GRM3: variants seen among roughly 807,000 people sequenced by gnomAD.
The protein encoded by GRM3 is metabotropic glutamate receptor 3.
GRM3 carries 26 observed loss-of-function variants against 70.5 expected under a neutral mutation model. The observed-to-expected ratio is 0.37, with a 90% CI of 0.27 to 0.51. GRM3 has a LOEUF of 0.51. Among genes scored for constraint, GRM3 ranks in the 20% least tolerant of loss-of-function variants. The pLI, the probability that GRM3 is intolerant of heterozygous loss-of-function variation, is 0.93. For synonymous variants in GRM3, 443 were observed against 434.9 expected, an observed-to-expected ratio of 1.02 and a Z score of -0.23; for missense variants, 859 against 1,123.8, an observed-to-expected ratio of 0.76 and a Z score of 3.37.
At chr7:86,733,581 G>A (rs1003038918) in intron 1 of GRM3, among the ~76,000 whole-genome samples, 1 of 152,190 alleles carries the variant, frequency 6.6e-6, no homozygotes. Context: ...GTTTATTTGA[G>A]TCTTCAAGGA....
intron 1 of GRM3, among the ~76,000 whole-genome samples, chr7:86,700,873 G>A (rs1052137250): frequency 6.6e-6 from 1 of 151,864 alleles, no homozygotes; most frequent in Non-Finnish European, 1.5e-5. Context: ...TTCAACTTAC[G>A]TTAATAGCAT....
intron 3 of GRM3, among the ~76,000 whole-genome samples, chr7:86,818,424 C>T (rs1216605395): frequency 6.6e-6 from 1 of 152,018 alleles, no homozygotes; most frequent in Non-Finnish European, 1.5e-5. Context: ...GTGCTGGAGT[C>T]ATGTAGACCT....
intron 1 of GRM3, among the ~76,000 whole-genome samples, chr7:86,712,960 A>G (rs1180284248): frequency 1.3e-5 from 2 of 152,100 alleles, no homozygotes; most frequent in East Asian, 3.9e-4. Flanking sequence ...TATCTTTGAT[A>G]TATTGATTTC....
chr7:86,768,093 A>C (rs1321739110), intron 2 of GRM3, among the ~76,000 whole-genome samples: 1 of 149,898 alleles, frequency 6.7e-6, no homozygotes, highest in Non-Finnish European at 1.5e-5. Context: ...TTGGCAACAG[A>C]AAGACCTGAG....
intron 1 of GRM3, among the ~76,000 whole-genome samples, chr7:86,763,017 G>T (rs576555652): frequency 6.6e-6 from 1 of 152,090 alleles, no homozygotes; most frequent in East Asian, 1.9e-4. Flanking sequence ...AAATCTGTGG[G>T]CAAGGGAAAC....
chr7:86,757,529 C>T lies in GRM3; in HGVS notation c.-140-7477C>T, dbSNP rs576606528. Among the ~76,000 whole-genome samples, 58 of 152,300 alleles carry T rather than the reference C, an allele frequency of 3.8e-4. 1 individual carries two copies. The highest frequency in any genetic ancestry group is 3.4e-3 in the Middle Eastern group (1 of 294). ...TCTCTGCACTCCGGCTGGCTTGGAA[C>T]TCTAATACCTCTCGGATATGTCTGC... On this transcript the variant is annotated intron_variant, in intron 1 of 5. Coordinates refer to ENST00000361669, the MANE Select transcript of GRM3 (RefSeq NM_000840.3).
At chr7:86,798,721 G>C (rs113786896) in intron 3 of GRM3, among the ~76,000 whole-genome samples, 8,127 of 152,178 alleles carry the variant, frequency 0.053, 692 homozygotes, top group African/African-American at 0.18. Flanking sequence ...ATGAGATTTG[G>C]GAGGGGCCAG....
At chr7:86,825,369 G>C (rs1207412678) in intron 3 of GRM3, among the ~76,000 whole-genome samples, 1 of 152,188 alleles carries the variant, frequency 6.6e-6, no homozygotes, top group Admixed American at 6.5e-5. Flanking sequence ...ATTTCTTAAC[G>C]ACGTGTGGAT....
At chr7:86,754,930 C>T (rs1268599994) in intron 1 of GRM3, among the ~76,000 whole-genome samples, 1 of 152,144 alleles carries the variant, frequency 6.6e-6, no homozygotes, top group Non-Finnish European at 1.5e-5. Context: ...AGCTCCCATA[C>T]TTACAAGAGC....
At chr7:86,762,571 T>C (rs551739355) in intron 1 of GRM3, among the ~76,000 whole-genome samples, 1 of 152,258 alleles carries the variant, frequency 6.6e-6, no homozygotes, top group South Asian at 2.1e-4. Context: ...CTAAATGCTG[T>C]GCCATTTCAT....
At chr7:86,851,310 C>G (rs1404010769) in intron 5 of GRM3, among the ~76,000 whole-genome samples, 1 of 152,154 alleles carries the variant, frequency 6.6e-6, no homozygotes, top group Non-Finnish European at 1.5e-5. Context: ...CCCTAATTCT[C>G]TCTGCTACTG....
At position 86,678,674 on chromosome 7, in the gene GRM3, T is replaced by C. The variant is rs116157409; in HGVS notation, c.-141+33802T>C. On this transcript the variant is annotated intron_variant, in intron 1 of 5. Coordinates refer to ENST00000361669, the MANE Select transcript of GRM3 (RefSeq NM_000840.3). ...AGGAAAGGTGAGAAAAATCTGCACA[T>C]GGACAAGTACGTATCCAGTTTTCCA... 3.5e-3 allele frequency among the ~76,000 whole-genome samples: 538 copies of C among 152,190 alleles called. 4 individuals are homozygous for C. Among genetic ancestry groups the C allele is most frequent in the African/African-American group, 0.012 (509 of 41,544 alleles).
intron 3 of GRM3, among the ~76,000 whole-genome samples, chr7:86,838,366 G>A (rs973362739): frequency 6.6e-6 from 1 of 152,084 alleles, no homozygotes; most frequent in East Asian, 1.9e-4. Flanking sequence ...TGCAAAAAAT[G>A]TTCTTTATTT....
At chr7:86,651,393 TA>T (rs916480617) in intron 1 of GRM3, among the ~76,000 whole-genome samples, 16 of 152,196 alleles carry the variant, frequency 1.1e-4, no homozygotes, top group African/African-American at 3.6e-4. Flanking sequence ...AATATTTGCT[TA>T]ACAGTTTCAA....
At chr7:86,684,725 C>A (rs1562824865) in intron 1 of GRM3, among the ~76,000 whole-genome samples, 1 of 152,246 alleles carries the variant, frequency 6.6e-6, no homozygotes, top group Non-Finnish European at 1.5e-5. Flanking sequence ...ATCACAGAAT[C>A]AAGGAATAAT....
rs1793403232 is a variant in GRM3, at chr7:86,644,468, GAGA to G, written c.-542_-540del. 1.1e-5 allele frequency: 4 copies of G among 348,486 alleles called. No individual in the cohort carries two copies. Among genetic ancestry groups the G allele is most frequent in the South Asian group, 8.4e-5 (4 of 47,376 alleles). The allele number at this position is 348,486 out of a possible 1,614,324, so 21.6% of individuals were successfully genotyped here. On this transcript the variant is annotated 5_prime_UTR_variant, in exon 1 of 6. Coordinates refer to ENST00000361669, the MANE Select transcript of GRM3 (RefSeq NM_000840.3). ...CCTAGGAAGTGGGTTTGCCTGATAA[GAGA>G]AGGAGGAGGGGACTCGGCTGGGAAG...
intron 1 of GRM3, among the ~76,000 whole-genome samples, chr7:86,697,750 G>A (rs966848627): frequency 6.6e-6 from 1 of 151,856 alleles, no homozygotes; most frequent in African/African-American, 2.4e-5. Context: ...GACTATTTAC[G>A]GTGTATTACA....
At position 86,861,057 on chromosome 7, in the gene GRM3, T is replaced by C. The variant is rs541338089; in HGVS notation, c.2567-3225T>C. The stretch of plus-strand genomic sequence containing the variant: ...TAATACAACTTGATCCTGGAAAAGA[T>C]AAAGAGATTAGTTAAAATGTCAAAG... On this transcript the variant is annotated intron_variant, in intron 5 of 5. Coordinates refer to ENST00000361669, the MANE Select transcript of GRM3 (RefSeq NM_000840.3). 3.7e-4 allele frequency among the ~76,000 whole-genome samples: 56 copies of C among 152,286 alleles called. No individual in the cohort carries two copies. In the South Asian group the frequency reaches 0.011, roughly 29 times the overall value.
At chr7:86,710,052 T>G (rs1795157682) in intron 1 of GRM3, 1 of 152,100 alleles carries the variant, frequency 6.6e-6, no homozygotes, top group Non-Finnish European at 1.5e-5. Flanking sequence ...GAGCATTTTC[T>G]TCTATCTCAA....
Sources: gnomAD v4.1 joint callset for allele counts (sites outside exome capture counted in the v4.1 genomes callset) on GRCh38, gnomAD v4.1.1 for gene constraint, MANE v1.5 for transcripts, NCBI Gene and HGNC (gene_info 2026-07-23, HGNC 2026-07-21) for gene names.